Variants in LAMA4 observed in about 807,000 individuals in gnomAD.
LAMA4 encodes the protein laminin subunit alpha-4.
A neutral mutation model predicts 207.1 loss-of-function variants in LAMA4; 127 were observed. The ratio of observed to expected loss-of-function variants is 0.61; its 90% CI spans 0.53 to 0.71. The LOEUF (loss-of-function observed/expected upper bound fraction) is 0.71, where lower values mean the gene tolerates loss of function less well. Ranked by LOEUF, LAMA4 falls within the 30% of genes least tolerant of loss-of-function variation. The pLI is 0.00. For missense variants in LAMA4, 2,093 were observed against 2,246.5 expected, an observed-to-expected ratio of 0.93 and a Z score of 1.38; for synonymous variants, 761 against 816.0, an observed-to-expected ratio of 0.93 and a Z score of 1.15.
intron 19 of LAMA4, among the ~76,000 whole-genome samples, chr6:112,142,965 T>A (rs1433033410): frequency 3.3e-5 from 5 of 152,178 alleles, no homozygotes; most frequent in African/African-American, 1.2e-4. Flanking sequence ...ATAACTGTAA[T>A]AATGAGTTCA....
rs1240125260 is a variant in LAMA4, at chr6:112,148,482, T to G, written c.2174-146A>C. ...TAAGATTTTTGGATAACCATGTGGCTCACCGAAAACATTTCCAAATTAAGA... is the reference window on the plus strand; with the variant it reads ...TAAGATTTTTGGATAACCATGTGGCGCACCGAAAACATTTCCAAATTAAGA... On this transcript the variant is annotated intron_variant, in intron 17 of 38. Coordinates refer to ENST00000230538, the MANE Select transcript of LAMA4 (RefSeq NM_001105206.3). 9 of 751,056 alleles carry G rather than the reference T, an allele frequency of 1.2e-5. No homozygotes were observed. In the African/African-American group the frequency reaches 1.6e-4, roughly 13 times the overall value. 46.5% of individuals were successfully genotyped at this position (751,056 alleles called of 1,614,324 possible).
At chr6:112,232,738 G>A (rs1208951545) in intron 2 of LAMA4, among the ~76,000 whole-genome samples, 1 of 152,188 alleles carries the variant, frequency 6.6e-6, no homozygotes, top group Admixed American at 6.5e-5. Flanking sequence ...GAATGGCAAT[G>A]TCTGGGGTGC....
intron 5 of LAMA4, among the ~76,000 whole-genome samples, chr6:112,196,135 A>G (rs879957281): frequency 3.3e-5 from 5 of 152,190 alleles, no homozygotes; most frequent in Admixed American, 2.6e-4. Flanking sequence ...AGGGTAATTA[A>G]TATCTCATCA....
At chr6:112,120,965 T>G (rs1180321233) in intron 32 of LAMA4, among the ~76,000 whole-genome samples, 1 of 151,946 alleles carries the variant, frequency 6.6e-6, no homozygotes, top group African/African-American at 2.4e-5. Context: ...TCCCAGCTAC[T>G]TGGGAGGCTA....
At chr6:112,121,514 T>A (rs1182084045) in intron 32 of LAMA4, among the ~76,000 whole-genome samples, 25 of 152,216 alleles carry the variant, frequency 1.6e-4, no homozygotes, top group African/African-American at 5.8e-4. Context: ...TAAAAATAAT[T>A]CTTCAGTAAT....
intron 2 of LAMA4, chr6:112,217,791 G>C (rs1436699775): frequency 6.6e-6 from 1 of 152,178 alleles, no homozygotes; most frequent in Non-Finnish European, 1.5e-5. Flanking sequence ...TTTTTTAATG[G>C]AGAGTTGTGG....
intron 2 of LAMA4, among the ~76,000 whole-genome samples, chr6:112,238,930 C>A (rs560229597): frequency 9.9e-5 from 15 of 152,102 alleles, no homozygotes; most frequent in Non-Finnish European, 2.2e-4. Flanking sequence ...GTGTGATGAA[C>A]TGAATTGTGT....
Position 112,109,328 on chromosome 6 carries a change from T to C in LAMA4, c.*109A>G. 8.3e-7 allele frequency: 1 copy of C among 1,205,092 alleles called. No homozygotes were observed. Among genetic ancestry groups the C allele is most frequent in the South Asian group, 1.3e-5 (1 of 77,892 alleles). The allele number at this position is 1,205,092 out of a possible 1,614,324, so 74.6% of individuals were successfully genotyped here. On this transcript the variant is annotated 3_prime_UTR_variant, in exon 39 of 39. Transcript: ENST00000230538. ...ATGATTCGTTTAAGTCCTGTTCAAC[T>C]CGATGAAAGCTTCCACCCGAAGGAA...
intron 13 of LAMA4, among the ~76,000 whole-genome samples, chr6:112,162,827 G>T (rs1554338751): frequency 6.6e-6 from 1 of 152,102 alleles, no homozygotes; most frequent in East Asian, 1.9e-4. Context: ...GTGTGTAATT[G>T]TTCTTTAAAG....
chr6:112,221,335 A>G (rs535884068), intron 2 of LAMA4, among the ~76,000 whole-genome samples: 31 of 152,332 alleles, frequency 2.0e-4, no homozygotes, highest in Non-Finnish European at 3.7e-4. Flanking sequence ...AGATCTACGA[A>G]CATATGACAT....
At chr6:112,187,744 G>A in intron 7 of LAMA4, 143 bp from the exon 8 acceptor site, 1 of 875,502 alleles carries the variant, frequency 1.1e-6, no homozygotes, top group Non-Finnish European at 1.8e-6. Context: ...ATTCTTGTCA[G>A]GCTTTAGTAT....
At chr6:112,217,495 C>A (rs1000841274) in intron 2 of LAMA4, 1 of 152,178 alleles carries the variant, frequency 6.6e-6, no homozygotes, top group Non-Finnish European at 1.5e-5. Flanking sequence ...GTTTGCACTT[C>A]CCTGGCGACC....
At chr6:112,160,317 A>G (rs1226440545) in intron 13 of LAMA4, among the ~76,000 whole-genome samples, 1 of 152,156 alleles carries the variant, frequency 6.6e-6, no homozygotes, top group Non-Finnish European at 1.5e-5. Flanking sequence ...TTTTAAGAGG[A>G]AAATGTTCAT....
intron 13 of LAMA4, among the ~76,000 whole-genome samples, chr6:112,164,541 G>A (rs1237454131): frequency 6.6e-6 from 1 of 152,174 alleles, no homozygotes; most frequent in Non-Finnish European, 1.5e-5. Context: ...TGTCACCAAG[G>A]AGAGTGATGG....
chr6:112,130,124 C>A, intron 29 of LAMA4, 84 bp from the exon 30 acceptor site: 2 of 1,162,224 alleles, frequency 1.7e-6, no homozygotes, highest in Non-Finnish European at 2.6e-6. Flanking sequence ...CAGGTTTTCT[C>A]ATGAAATTGA....
In LAMA4 at chr6:112,132,807, ACCT is replaced by A; in HGVS notation, c.3777_3779del (p.Gly1260del). 6.2e-7 allele frequency: 1 copy of A among 1,612,656 alleles called. No homozygotes were observed. Among genetic ancestry groups the A allele is most frequent in the Non-Finnish European group, 8.5e-7 (1 of 1,179,008 alleles). On this transcript the variant is annotated inframe_deletion, in exon 28 of 39. Coordinates refer to ENST00000230538, the MANE Select transcript of LAMA4 (RefSeq NM_001105206.3). The stretch of plus-strand genomic sequence containing the variant: ...TTGGTTGTAATGTTCGGAAATTAAA[ACCT>A]CCTTCAAAGCCATCAAAGAAAGATA...
rs1017493584 is a variant in LAMA4, at chr6:112,114,339, G to A, written c.5207-144C>T. On this transcript the variant is annotated intron_variant, in intron 37 of 38. Transcript: ENST00000230538. ...CTTCTATATTATTAAAATCATCAAT[G>A]ATGTCTAACAATGTCTAACCAAGAG... 27 of 828,472 alleles carry A rather than the reference G, an allele frequency of 3.3e-5. No homozygotes were observed. In the East Asian group the frequency reaches 6.6e-4, roughly 20 times the overall value. 51.3% of individuals were successfully genotyped at this position (828,472 alleles called of 1,614,324 possible).
intron 3 of LAMA4, among the ~76,000 whole-genome samples, chr6:112,207,709 A>C (rs1784142474): frequency 6.6e-6 from 1 of 151,400 alleles, no homozygotes; most frequent in South Asian, 2.1e-4. Context: ...AGAATCAGTA[A>C]GGAGGTTTTT....
At chr6:112,246,064 A>C (rs1554188587) in intron 2 of LAMA4, among the ~76,000 whole-genome samples, 3 of 152,164 alleles carry the variant, frequency 2.0e-5, no homozygotes, top group African/African-American at 7.2e-5. Context: ...TTGATGGGAA[A>C]CTTAAGTTGG....
Sources: allele counts gnomAD v4.1 joint callset (sites outside exome capture counted in the v4.1 genomes callset), GRCh38; gene constraint gnomAD v4.1.1; transcripts MANE v1.5; gene names NCBI Gene and HGNC (gene_info 2026-07-23, HGNC 2026-07-21).